ANKIB1: variants seen among roughly 807,000 people sequenced by gnomAD.
The protein encoded by ANKIB1 is ankyrin repeat and IBR domain containing 1.
ANKIB1 carries 43 observed loss-of-function variants against 122.1 expected under a neutral mutation model. That is an observed-to-expected ratio of 0.35 (90% CI 0.28 to 0.45). The LOEUF is 0.45. Ranked by LOEUF, ANKIB1 falls within the 20% of genes least tolerant of loss-of-function variation. The pLI is 1.00. For missense variants in ANKIB1, 992 were observed against 1,329.5 expected (o/e 0.75, Z 3.95); for synonymous variants, 390 against 442.0 (o/e 0.88, Z 1.48).
At chr7:92,330,130 G>A (rs1306950005) in intron 5 of ANKIB1, among the ~76,000 whole-genome samples, 1 of 152,138 alleles carries the variant, frequency 6.6e-6, no homozygotes, top group East Asian at 1.9e-4. Flanking sequence ...AACCTTTCCT[G>A]AGTGTGTCTT....
chr7:92,396,267 C>T, intron 17 of ANKIB1, 98 bp from the exon 18 acceptor site: 2 of 716,286 alleles, frequency 2.8e-6, no homozygotes, highest in Non-Finnish European at 4.9e-6. Flanking sequence ...TGTATAAAAT[C>T]ACAAACTTTT....
intron 1 of ANKIB1, among the ~76,000 whole-genome samples, chr7:92,262,077 A>G (rs182402716): frequency 1.9e-3 from 294 of 152,354 alleles, no homozygotes; most frequent in Non-Finnish European, 3.0e-3. Context: ...AGTCAAATAC[A>G]TAGGATTCAG....
At chr7:92,328,196 T>A (rs1030697358) in intron 5 of ANKIB1, among the ~76,000 whole-genome samples, 2 of 152,182 alleles carry the variant, frequency 1.3e-5, no homozygotes, top group East Asian at 3.8e-4. Context: ...TTGAGTGAGA[T>A]TGAGCATTGA....
chr7:92,297,389 C>T (rs1232239329), intron 2 of ANKIB1, among the ~76,000 whole-genome samples: 2 of 152,144 alleles, frequency 1.3e-5, no homozygotes, highest in Non-Finnish European at 2.9e-5. Context: ...TGGATATTTA[C>T]CTCACAGAAC....
chr7:92,377,626 G>A (rs752588483), intron 11 of ANKIB1, among the ~76,000 whole-genome samples: 1 of 152,094 alleles, frequency 6.6e-6, no homozygotes, highest in Non-Finnish European at 1.5e-5. Context: ...ATGAAACAAG[G>A]TATGCCTGTA....
chr7:92,280,584 T>C (rs899772875), intron 1 of ANKIB1, among the ~76,000 whole-genome samples: 4 of 151,948 alleles, frequency 2.6e-5, no homozygotes, highest in Non-Finnish European at 5.9e-5. Flanking sequence ...CAGTGCTCAC[T>C]TTTAGTAATA....
rs917480231 is a variant in ANKIB1, at chr7:92,400,110, A to T, written c.*1161A>T. ...CTGAAGTAACTATGCTATGAATTGCAAAGACCTCCATAAAACCACCCATGG... is the reference window on the plus strand; with the variant it reads ...CTGAAGTAACTATGCTATGAATTGCTAAGACCTCCATAAAACCACCCATGG... On this transcript the variant is annotated 3_prime_UTR_variant, in exon 20 of 20. Coordinates refer to ENST00000265742, the MANE Select transcript of ANKIB1 (RefSeq NM_019004.2). 2 of 152,228 alleles carry T rather than the reference A, an allele frequency of 1.3e-5. No individual in the cohort carries two copies. The highest frequency in any genetic ancestry group is 4.8e-5 in the African/African-American group (2 of 41,462). 9.4% of individuals were successfully genotyped at this position (152,228 alleles called of 1,614,324 possible).
chr7:92,398,009 T>C (rs1405434203), intron 19 of ANKIB1, 150 bp downstream of exon 19: 2 of 1,236,438 alleles, frequency 1.6e-6, no homozygotes, highest in Non-Finnish European at 2.2e-6. Context: ...GATATTCCTA[T>C]ATTTTAGATT....
At chr7:92,358,872 G>T (rs1052308331) in intron 9 of ANKIB1, among the ~76,000 whole-genome samples, 1 of 151,958 alleles carries the variant, frequency 6.6e-6, no homozygotes. Context: ...TAAAAAATGA[G>T]TCATGAGAAA....
chr7:92,255,351 C>T (rs1295872824), intron 1 of ANKIB1, among the ~76,000 whole-genome samples: 1 of 152,054 alleles, frequency 6.6e-6, no homozygotes, highest in African/African-American at 2.4e-5. Context: ...TATAAATAAA[C>T]AAGGGGGATT....
intron 7 of ANKIB1, among the ~76,000 whole-genome samples, chr7:92,346,997 TTGGGTGATTCA>T (rs1355688605): frequency 2.0e-5 from 3 of 152,234 alleles, no homozygotes; most frequent in Non-Finnish European, 4.4e-5. Flanking sequence ...AAGTTCCATG[TTGGGTGATTCA>T]TGTGTTGATG....
intron 1 of ANKIB1, among the ~76,000 whole-genome samples, chr7:92,289,528 T>C (rs1802204038): frequency 6.6e-6 from 1 of 152,190 alleles, no homozygotes; most frequent in African/African-American, 2.4e-5. Context: ...TGGCCCCTAC[T>C]TTTGGCTTAG....
At chr7:92,358,446 C>T (rs1803872206) in intron 9 of ANKIB1, among the ~76,000 whole-genome samples, 1 of 152,010 alleles carries the variant, frequency 6.6e-6, no homozygotes, top group African/African-American at 2.4e-5. Flanking sequence ...CTGTGAGGTT[C>T]TGGAAAAGAA....
At chr7:92,257,521 G>A (rs1279810404) in intron 1 of ANKIB1, among the ~76,000 whole-genome samples, 1 of 152,082 alleles carries the variant, frequency 6.6e-6, no homozygotes, top group East Asian at 1.9e-4. Flanking sequence ...AGCCAGACGC[G>A]GTGGCTCACG....
rs867013022 is a variant in ANKIB1, at chr7:92,319,672, G to A, written c.669+160G>A. ...GCCATAAAGTATAAAAATACATCTA[G>A]GCCAACCACAGTGGCTCATGCCTGT... On this transcript the variant is annotated intron_variant, in intron 4 of 19. Coordinates refer to ENST00000265742, the MANE Select transcript of ANKIB1 (RefSeq NM_019004.2). 1.5e-4 allele frequency: 110 copies of A among 738,620 alleles called. 1 individual carries two copies. In the Middle Eastern group the frequency reaches 1.9e-3, roughly 13 times the overall value. 45.8% of individuals were successfully genotyped at this position (738,620 alleles called of 1,614,324 possible). A position where few individuals can be genotyped will look rare whatever the true frequency, so the allele number is the denominator to read the frequency against.
At chr7:92,267,312 A>G (rs1801691158) in intron 1 of ANKIB1, among the ~76,000 whole-genome samples, 1 of 152,204 alleles carries the variant, frequency 6.6e-6, no homozygotes, top group African/African-American at 2.4e-5. Context: ...GAACACAACT[A>G]TGTCATTAGC....
intron 1 of ANKIB1, among the ~76,000 whole-genome samples, chr7:92,254,271 G>T (rs949398254): frequency 6.6e-6 from 1 of 152,170 alleles, no homozygotes; most frequent in Non-Finnish European, 1.5e-5. Flanking sequence ...GGGATGGTTT[G>T]TTCTGTAGCA....
chr7:92,255,659 A>G (rs28697907), intron 1 of ANKIB1, among the ~76,000 whole-genome samples: 3,668 of 151,836 alleles, frequency 0.024, 160 homozygotes, highest in African/African-American at 0.084. Context: ...TATGAAATAT[A>G]TTTTTTTCTG....
In ANKIB1 at chr7:92,261,078, G is replaced by T. The variant is rs1375811963; in HGVS notation, c.-91+14559G>T. On this transcript the variant is annotated intron_variant, in intron 1 of 19. Transcript: ENST00000265742. ...ATTACTATGTTTTTTGGCCGGGCGC[G>T]GTGGCTCACGCCTGTAATCCCAGCA... Among the ~76,000 whole-genome samples, 4 of 152,034 alleles carry T rather than the reference G, an allele frequency of 2.6e-5. No individual in the cohort carries two copies. The East Asian group carries it at 7.7e-4, about 29-fold the overall frequency.
Sources: allele counts gnomAD v4.1 joint callset (sites outside exome capture counted in the v4.1 genomes callset), GRCh38; gene constraint gnomAD v4.1.1; transcripts MANE v1.5; gene names NCBI Gene and HGNC (gene_info 2026-07-23, HGNC 2026-07-21).